Variants in TNFRSF13C observed in about 807,000 individuals in gnomAD.
TNFRSF13C encodes tumor necrosis factor receptor superfamily member 13C.
In TNFRSF13C, 7 loss-of-function variants were observed where a neutral mutation model predicts 12.1. The ratio of observed to expected loss-of-function variants is 0.58; its 90% confidence interval spans 0.33 to 1.08. The LOEUF is 1.08. TNFRSF13C is among the 50% of genes least tolerant of loss of function. The pLI, the probability that TNFRSF13C is intolerant of heterozygous loss-of-function variation, is 0.04. For synonymous variants in TNFRSF13C, 157 were observed against 130.8 expected, an observed-to-expected ratio of 1.20 and a Z score of -1.37; for missense variants, 260 against 265.9, an observed-to-expected ratio of 0.98 and a Z score of 0.15.
In TNFRSF13C at chr22:41,925,242, T is replaced by G; in HGVS notation, c.*125A>C. The G allele has an allele frequency of 1.0e-5, 11 of 1,078,954 alleles. No homozygotes were observed. Among genetic ancestry groups the G allele is most frequent in the Non-Finnish European group, 1.4e-5 (11 of 767,428 alleles). 66.8% of individuals were successfully genotyped at this position (1,078,954 alleles called of 1,614,324 possible). On this transcript the variant is annotated 3_prime_UTR_variant, in exon 3 of 3. Coordinates refer to ENST00000291232, the MANE Select transcript of TNFRSF13C (RefSeq NM_052945.4). Reference sequence around the variant, plus strand: ...CTGTGGTCTGTAGTGTCTGTGCTTCTGCAGAGTTAGCCTGGTCCCAGAAAG... The same window carrying G: ...CTGTGGTCTGTAGTGTCTGTGCTTCGGCAGAGTTAGCCTGGTCCCAGAAAG...
At chr22:41,925,690 C>G in intron 2 of TNFRSF13C, 136 bp from the exon 3 acceptor site, 1 of 1,112,942 alleles carries the variant, frequency 9.0e-7, no homozygotes, top group South Asian at 1.4e-5. Context: ...CTGGCTGACC[C>G]TGAGTCCAGA....
In TNFRSF13C at chr22:41,926,693, C is replaced by A; in HGVS notation, c.81G>T (p.Leu27=). 3 of 1,459,576 alleles carry A rather than the reference C, an allele frequency of 2.1e-6. No individual in the cohort carries two copies. In the South Asian group the frequency reaches 4.0e-5, roughly 19 times the overall value. The allele number at this position is 1,459,576 out of a possible 1,614,324, so 90.4% of individuals were successfully genotyped here. The part of the protein sequence containing the change: ...TPCVPAECFD[L]LVRHCVACGL... ...CGCAGGCCACGCAGTGGCGGACCAGCAGGTCGAAGCACTCGGCCGGGACGC... is the reference window on the plus strand; with the variant it reads ...CGCAGGCCACGCAGTGGCGGACCAGAAGGTCGAAGCACTCGGCCGGGACGC... The change falls in exon 1 of 3, where the codon CTG becomes CTT. Residue 27 remains leucine (L), a synonymous_variant. Transcript: ENST00000291232. The surrounding 1 kb of genome is among the most constrained non-coding windows in gnomAD (Gnocchi z 4.9).
rs1056104693 is a variant in TNFRSF13C at position 41,922,812 on chromosome 22, G to A, written c.*2555C>T. The A allele has an allele frequency of 6.6e-6, 1 of 151,144 alleles. No homozygotes were observed. Among genetic ancestry groups the A allele is most frequent in the African/African-American group, 2.4e-5 (1 of 40,902 alleles). 9.4% of individuals were successfully genotyped at this position (151,144 alleles called of 1,614,324 possible). Reference sequence around the variant, plus strand: ...AGATGGGGTGGCCAGGAGAAGATGGGGTGGGAGCTGGGGTGGCCAGGAAAA... The same window carrying A: ...AGATGGGGTGGCCAGGAGAAGATGGAGTGGGAGCTGGGGTGGCCAGGAAAA... On this transcript the variant is annotated 3_prime_UTR_variant, in exon 3 of 3. Coordinates refer to ENST00000291232, the MANE Select transcript of TNFRSF13C (RefSeq NM_052945.4).
At position 41,924,845 on chromosome 22, in the gene TNFRSF13C, G is replaced by C. The variant is rs144617529; in HGVS notation, c.*522C>G. 1.3e-5 allele frequency: 2 copies of C among 151,956 alleles called. No individual in the cohort carries two copies. Among genetic ancestry groups the C allele is most frequent in the East Asian group, 1.9e-4 (1 of 5,148 alleles). The allele number at this position is 151,956 out of a possible 1,614,324, so 9.4% of individuals were successfully genotyped here. ...TGCGTGCCTGTAATCCCAGCTATTC[G>C]GGAGGCTGAGGCAGGAGAATCACTT... On this transcript the variant is annotated 3_prime_UTR_variant, in exon 3 of 3. Coordinates refer to ENST00000291232, the MANE Select transcript of TNFRSF13C (RefSeq NM_052945.4).
At position 41,926,020 on chromosome 22, in the gene TNFRSF13C, C is replaced by T; in HGVS notation, c.367+81G>A. 1.3e-6 allele frequency: 2 copies of T among 1,550,204 alleles called. No homozygotes were observed. The highest frequency in any genetic ancestry group is 1.8e-6 in the Non-Finnish European group (2 of 1,130,600). On this transcript the variant is annotated intron_variant, in intron 2 of 2. Coordinates refer to ENST00000291232, the MANE Select transcript of TNFRSF13C (RefSeq NM_052945.4). This position sits in a 1 kb window ranked among gnomAD's most constrained non-coding sequence, Gnocchi z 4.9. ...AAAGCCCTTCTCTCCCCCTCAGGGG[C>T]CATGCATCTCCCCCTAGACCGTCCC...
Position 41,926,557 on chromosome 22 carries a change from G to C in TNFRSF13C, c.136+81C>G. On this transcript the variant is annotated intron_variant, in intron 1 of 2. Coordinates refer to ENST00000291232, the MANE Select transcript of TNFRSF13C (RefSeq NM_052945.4). This position sits in a 1 kb window ranked among gnomAD's most constrained non-coding sequence, Gnocchi z 4.9. ...CAGCCCTCGGCGCCCCCGGGGGTCGGGGCTCTGCCTGCGCCCTGGCGATCG... is the reference window on the plus strand; with the variant it reads ...CAGCCCTCGGCGCCCCCGGGGGTCGCGGCTCTGCCTGCGCCCTGGCGATCG... 7.5e-7 allele frequency: 1 copy of C among 1,333,106 alleles called. No individual in the cohort carries two copies. The highest frequency in any genetic ancestry group is 1.9e-5 in the South Asian group (1 of 52,184). 82.6% of individuals were successfully genotyped at this position (1,333,106 alleles called of 1,614,324 possible).
Position 41,923,754 on chromosome 22 carries a change from C to T in TNFRSF13C, c.*1613G>A, listed in dbSNP as rs2077616065. ...CCCCAGGTGGACCCTGAGAGAGCTA[C>T]CTGCCAGCATGTTCCTTCAGCTCGA... On this transcript the variant is annotated 3_prime_UTR_variant, in exon 3 of 3. Transcript: ENST00000291232. The T allele has an allele frequency of 6.6e-6, 1 of 152,228 alleles. No individual in the cohort carries two copies. Among genetic ancestry groups the T allele is most frequent in the African/African-American group, 2.4e-5 (1 of 41,446 alleles). 9.4% of individuals were successfully genotyped at this position (152,228 alleles called of 1,614,324 possible). A position where few individuals can be genotyped will look rare whatever the true frequency, so the allele number is the denominator to read the frequency against.
chr22:41,922,139 A>T lies in TNFRSF13C; in HGVS notation c.*3228T>A, dbSNP rs903057692. The T allele has an allele frequency of 1.3e-5, 2 of 152,240 alleles. No individual in the cohort carries two copies. The highest frequency in any genetic ancestry group is 1.3e-4 in the Admixed American group (2 of 15,278). The allele number at this position is 152,240 out of a possible 1,614,324, so 9.4% of individuals were successfully genotyped here. A position where few individuals can be genotyped will look rare whatever the true frequency, so the allele number is the denominator to read the frequency against. ...TTGTATGTATAGAATGATTACAATT[A>T]TGTAGAAAAATACACCACACACTCG... On this transcript the variant is annotated 3_prime_UTR_variant, in exon 3 of 3. Coordinates refer to ENST00000291232, the MANE Select transcript of TNFRSF13C (RefSeq NM_052945.4).
rs1254880998 is a variant in TNFRSF13C at position 41,924,545 on chromosome 22, T to TA, written c.*821dup. ...AAGGTGGAGCACCTGTAGTCCCACC[T>TA]ACTCAGGAGGCTGAAGCAGAAAGAT... On this transcript the variant is annotated 3_prime_UTR_variant, in exon 3 of 3. Transcript: ENST00000291232. 1 of 149,116 alleles carries TA rather than the reference T, an allele frequency of 6.7e-6. No individual in the cohort carries two copies. The highest frequency in any genetic ancestry group is 2.0e-4 in the East Asian group (1 of 5,024). The allele number at this position is 149,116 out of a possible 1,614,324, so 9.2% of individuals were successfully genotyped here. A position where few individuals can be genotyped will look rare whatever the true frequency, so the allele number is the denominator to read the frequency against.
At position 41,926,324 on chromosome 22, in the gene TNFRSF13C, G is replaced by A. The variant is rs1332317183; in HGVS notation, c.144C>T (p.Ala48=). Residue 48 remains alanine (A), a synonymous_variant, in exon 2 of 3, where the codon GCC becomes GCT. Coordinates refer to ENST00000291232, the MANE Select transcript of TNFRSF13C (RefSeq NM_052945.4). This position sits in a 1 kb window ranked among gnomAD's most constrained non-coding sequence, Gnocchi z 4.9. ...GCGCCGTCCTGGGCGCAGGGCTGCT[G>A]GCCCCGGCTGCTTCGGGAGGGGACA... The part of the protein sequence containing the change: ...LRTPRPKPAG[A]SSPAPRTALQ... 4 of 1,419,578 alleles carry A rather than the reference G, an allele frequency of 2.8e-6. No homozygotes were observed. The highest frequency in any genetic ancestry group is 2.7e-6 in the Non-Finnish European group (3 of 1,094,938). 87.9% of individuals were successfully genotyped at this position (1,419,578 alleles called of 1,614,324 possible).
chr22:41,925,993 T>C (rs1569421717), intron 2 of TNFRSF13C, 108 bp downstream of exon 2: 32 of 1,450,078 alleles, frequency 2.2e-5, no homozygotes, highest in Non-Finnish European at 2.8e-5. Flanking sequence ...CCGTTTCCCC[T>C]TAAAGCCCTT....
rs1475808529 is a variant in TNFRSF13C, at chr22:41,924,887, G to A, written c.*480C>T. 1.4e-5 allele frequency: 2 copies of A among 142,740 alleles called. No homozygotes were observed. Among genetic ancestry groups the A allele is most frequent in the African/African-American group, 2.7e-5 (1 of 37,322 alleles). The allele number at this position is 142,740 out of a possible 1,614,324, so 8.8% of individuals were successfully genotyped here. On this transcript the variant is annotated 3_prime_UTR_variant, in exon 3 of 3. Transcript: ENST00000291232. ...GAATCACTTGAACCAAGGAGTCGGA[G>A]GTTACAGTGAGGCGAGATCGCGCCA...
chr22:41,925,597 T>TTCCC, intron 2 of TNFRSF13C, 43 bp from the exon 3 acceptor site: 1 of 1,604,330 alleles, frequency 6.2e-7, no homozygotes, highest in Non-Finnish European at 8.5e-7. Flanking sequence ...AGTCACAGCC[T>TTCCC]TCCCTCCCTC....
At chr22:41,925,867 A>G (rs1450497086) in intron 2 of TNFRSF13C, among the ~76,000 whole-genome samples, 1 of 151,992 alleles carries the variant, frequency 6.6e-6, no homozygotes, top group Non-Finnish European at 1.5e-5. Context: ...TCTCTTCCTC[A>G]CACTGGGGTC....
intron 2 of TNFRSF13C, 31 bp from the exon 3 acceptor site, chr22:41,925,585 TCAGTCACAG>T: frequency 6.2e-7 from 1 of 1,608,544 alleles, no homozygotes; most frequent in South Asian, 1.1e-5. Context: ...GGCTCCGTAC[TCAGTCACAG>T]CCTTCCCTCC....
chr22:41,922,118 A>T lies in TNFRSF13C; in HGVS notation c.*3249T>A, dbSNP rs2077609524. 6.6e-6 allele frequency: 1 copy of T among 152,252 alleles called. No individual in the cohort carries two copies. The highest frequency in any genetic ancestry group is 2.4e-5 in the African/African-American group (1 of 41,464). The allele number at this position is 152,252 out of a possible 1,614,324, so 9.4% of individuals were successfully genotyped here. A position where few individuals can be genotyped will look rare whatever the true frequency, so the allele number is the denominator to read the frequency against. On this transcript the variant is annotated 3_prime_UTR_variant, in exon 3 of 3. Coordinates refer to ENST00000291232, the MANE Select transcript of TNFRSF13C (RefSeq NM_052945.4). ...TATGATGGTCAAGACATGAATTTGT[A>T]TGTATAGAATGATTACAATTATGTA...
chr22:41,925,370 T>G lies in TNFRSF13C; in HGVS notation c.552A>C (p.Gln184His). ...GCCACCTCCTGCCGGCTCCCTGCTA[T>G]TGTTGCTCAGGGCCGGCCGTCTTGG... ...VTTKTAGPEQ[Q>H] Residue 184 changes from glutamine (Q) to histidine (H), a missense_variant, in exon 3 of 3, where the codon CAA (glutamine) becomes CAC (histidine). Coordinates refer to ENST00000291232, the MANE Select transcript of TNFRSF13C (RefSeq NM_052945.4). 6.2e-7 allele frequency: 1 copy of G among 1,602,548 alleles called. No individual in the cohort carries two copies. Among genetic ancestry groups the G allele is most frequent in the South Asian group, 1.1e-5 (1 of 90,930 alleles).
At position 41,923,456 on chromosome 22, in the gene TNFRSF13C, C is replaced by G. The variant is rs1183253851; in HGVS notation, c.*1911G>C. ...AAAGAGATGGTCTTGTCCCCAGACC[C>G]CAGAGCAAGGAACACCATTGTAAGA... On this transcript the variant is annotated 3_prime_UTR_variant, in exon 3 of 3. Coordinates refer to ENST00000291232, the MANE Select transcript of TNFRSF13C (RefSeq NM_052945.4). 6.5e-6 allele frequency: 1 copy of G among 154,354 alleles called. No homozygotes were observed. Among genetic ancestry groups the G allele is most frequent in the African/African-American group, 2.4e-5 (1 of 41,486 alleles). The allele number at this position is 154,354 out of a possible 1,614,324, so 9.6% of individuals were successfully genotyped here. A position where few individuals can be genotyped will look rare whatever the true frequency, so the allele number is the denominator to read the frequency against.
At position 41,925,388 on chromosome 22, in the gene TNFRSF13C, C is replaced by T. The variant is rs762303332; in HGVS notation, c.534G>A (p.Thr178=). ...CCTGCTATTGTTGCTCAGGGCCGGC[C>T]GTCTTGGTGGTCACCAGTTCAGTGG... The part of the protein sequence containing the change: ...LGSTELVTTK[T]AGPEQQ Residue 178 remains threonine, a synonymous_variant, in exon 3 of 3, where the codon ACG becomes ACA. Transcript: ENST00000291232. The T allele has an allele frequency of 1.3e-5, 21 of 1,606,526 alleles. No homozygotes were observed. In the Admixed American group the frequency reaches 1.3e-4, roughly 10 times the overall value.
Sources: gnomAD v4.1 joint callset for allele counts (sites outside exome capture counted in the v4.1 genomes callset) on GRCh38, gnomAD v4.1.1 for gene constraint, Gnocchi (gnomAD v3.1) non-coding constraint, MANE v1.5 for transcripts, NCBI Gene and HGNC (gene_info 2026-07-23, HGNC 2026-07-21) for gene names.